Variants in PKP4 observed in about 807,000 individuals in gnomAD.
PKP4 encodes plakophilin 4.
PKP4 carries 90 observed loss-of-function variants against 145.1 expected under a neutral mutation model. That is an observed-to-expected ratio of 0.62 (90% CI 0.52 to 0.74). The LOEUF is 0.74. PKP4 is among the 30% of genes least tolerant of loss of function. PKP4 has a pLI of 0.00. For synonymous variants in PKP4, 563 were observed against 577.2 expected, an observed-to-expected ratio of 0.98 and a Z score of 0.35; for missense variants, 1,340 against 1,482.7, an observed-to-expected ratio of 0.90 and a Z score of 1.58.
At chr2:158,621,576 T>C (rs2052249353) in intron 6 of PKP4, among the ~76,000 whole-genome samples, 155 bp downstream of exon 6, 1 of 151,950 alleles carries the variant, frequency 6.6e-6, no homozygotes, top group African/African-American at 2.4e-5. Flanking sequence ...CGAAACCCCG[T>C]CTCTACTAAA....
chr2:158,466,542 CAA>C (rs1223399534), intron 1 of PKP4, among the ~76,000 whole-genome samples: 2 of 138,554 alleles, frequency 1.4e-5, no homozygotes, highest in Admixed American at 7.2e-5. Flanking sequence ...ACTAAAAATA[CAA>C]AAAAAAAAAA....
chr2:158,588,268 G>C (rs2048973229), intron 3 of PKP4: 1 of 152,060 alleles, frequency 6.6e-6, no homozygotes, highest in Admixed American at 6.6e-5. Context: ...CTCAACAGTT[G>C]CCACCCCCTT....
intron 1 of PKP4, among the ~76,000 whole-genome samples, chr2:158,509,020 A>G (rs2041260290): frequency 6.6e-6 from 1 of 152,218 alleles, no homozygotes; most frequent in African/African-American, 2.4e-5. Flanking sequence ...ATATCTACCT[A>G]TCAGTGAATT....
intron 11 of PKP4, among the ~76,000 whole-genome samples, chr2:158,656,921 C>T (rs992336379): frequency 1.3e-5 from 2 of 152,114 alleles, no homozygotes; most frequent in Non-Finnish European, 2.9e-5. Flanking sequence ...CTTCTTGGGC[C>T]GTGACAGCTG....
intron 1 of PKP4, among the ~76,000 whole-genome samples, chr2:158,498,814 G>GTTT (rs34272669): frequency 7.6e-6 from 1 of 131,172 alleles, no homozygotes. Flanking sequence ...GGTTGTGAGT[G>GTTT]TTTTTTTTTT....
In PKP4 at chr2:158,666,490, C is replaced by T; in HGVS notation, c.2655C>T (p.Asn885=). 5.0e-6 allele frequency: 8 copies of T among 1,613,478 alleles called. No individual in the cohort carries two copies. Among genetic ancestry groups the T allele is most frequent in the Non-Finnish European group, 5.9e-6 (7 of 1,179,686 alleles). ...TTGTGGAGCTTCTGAGAATGGATAACGATAGAGTTGTTTCTTCCGTGGCAA... is the reference window on the plus strand; with the variant it reads ...TTGTGGAGCTTCTGAGAATGGATAATGATAGAGTTGTTTCTTCCGTGGCAA... ...PILVELLRMD[N]DRVVSSVATA... The change falls in exon 16 of 22, where the codon AAC becomes AAT. Residue 885 remains asparagine, a synonymous_variant. Coordinates refer to ENST00000389759, the MANE Select transcript of PKP4 (RefSeq NM_003628.6).
chr2:158,632,862 T>C (rs1233331594), intron 8 of PKP4, among the ~76,000 whole-genome samples: 1 of 152,222 alleles, frequency 6.6e-6, no homozygotes, highest in Non-Finnish European at 1.5e-5. Context: ...TTTCCTTATG[T>C]CTGTAAATTG....
rs879512252 is a variant in PKP4, at chr2:158,517,057, T to C, written c.-5-16123T>C. ...TTTTTATTGCCTCTAGTAATTCACA[T>C]ATAAATTGCCATATTTCTAAATCCC... On this transcript the variant is annotated intron_variant, in intron 1 of 21. Transcript: ENST00000389759. Among the ~76,000 whole-genome samples, 5 of 152,250 alleles carry C rather than the reference T, an allele frequency of 3.3e-5. No homozygotes were observed. In the East Asian group the frequency reaches 9.6e-4, roughly 29 times the overall value.
chr2:158,669,821 G>A lies in PKP4; in HGVS notation c.2830G>A (p.Glu944Lys), dbSNP rs958917872. The change falls in exon 17 of 22, where the codon GAG (glutamate) becomes AAG (lysine). Residue 944 changes from glutamate to lysine, a missense_variant. Coordinates refer to ENST00000389759, the MANE Select transcript of PKP4 (RefSeq NM_003628.6). ...TMAAICCALH[E>K]VTSKNMENAK... ...GGCAGCCATCTGCTGTGCTCTGCAC[G>A]AGGTCACCAGCAAAAACATGGAGAA... 6 of 1,614,072 alleles carry A rather than the reference G, an allele frequency of 3.7e-6. No individual in the cohort carries two copies. The highest frequency in any genetic ancestry group is 1.7e-5 in the Admixed American group (1 of 60,030).
chr2:158,551,249 A>G (rs191705167), intron 2 of PKP4, among the ~76,000 whole-genome samples: 4 of 152,316 alleles, frequency 2.6e-5, no homozygotes, highest in Admixed American at 2.6e-4. Flanking sequence ...AAAGCTCTAG[A>G]CAGAAAACCC....
chr2:158,506,688 C>G (rs2105512420), intron 1 of PKP4, among the ~76,000 whole-genome samples: 1 of 152,246 alleles, frequency 6.6e-6, no homozygotes, highest in Middle Eastern at 3.4e-3. Flanking sequence ...ATACTTATGC[C>G]TACTTTTAAC....
At chr2:158,489,758 A>G (rs1694676528) in intron 1 of PKP4, among the ~76,000 whole-genome samples, 1 of 152,236 alleles carries the variant, frequency 6.6e-6, no homozygotes, top group Non-Finnish European at 1.5e-5. Flanking sequence ...TCATTTGCAA[A>G]TCAATTTAAG....
intron 12 of PKP4, chr2:158,659,688 G>A (rs1255728200): frequency 6.6e-6 from 1 of 152,328 alleles, no homozygotes; most frequent in African/African-American, 2.4e-5. Flanking sequence ...GAAGACAAGA[G>A]TCATAGGCCA....
Position 158,680,546 on chromosome 2 carries a change from T to G in PKP4, c.3448T>G (p.Phe1150Val). The change falls in exon 22 of 22, where the codon TTT becomes GTT. Residue 1150 changes from phenylalanine to valine, a missense_variant. Transcript: ENST00000389759. ...EDPYFDDRVH[F>V]PASTDYSTQY... is the part of the protein sequence containing the mutation. ...TCCTTATTTTGATGACCGAGTTCAC[T>G]TTCCAGCTTCTACTGATTACTCAAC... is the stretch of plus-strand genomic sequence containing the variant. 1 of 1,614,182 alleles carries G rather than the reference T, an allele frequency of 6.2e-7. No homozygotes were observed. The highest frequency in any genetic ancestry group is 2.2e-5 in the East Asian group (1 of 44,868).
intron 1 of PKP4, among the ~76,000 whole-genome samples, chr2:158,489,355 G>T (rs2105459005): frequency 6.6e-6 from 1 of 152,268 alleles, no homozygotes; most frequent in African/African-American, 2.4e-5. Flanking sequence ...TTTCAAGTTT[G>T]TGTCCCTGAC....
intron 1 of PKP4, among the ~76,000 whole-genome samples, chr2:158,495,355 AAAAAAAAAAACAAC>A (rs1377374693): frequency 6.8e-6 from 1 of 146,766 alleles, no homozygotes; most frequent in Non-Finnish European, 1.5e-5. Flanking sequence ...AGAGTTAAAA[AAAAAAAAAAACAAC>A]AAAGCCCAGA....
chr2:158,592,908 C>CTG (rs1034327559), intron 3 of PKP4, among the ~76,000 whole-genome samples: 8 of 152,164 alleles, frequency 5.3e-5, no homozygotes, highest in African/African-American at 1.9e-4. Flanking sequence ...GTGTCTCTTA[C>CTG]TGTAGACTGC....
At chr2:158,647,997 T>C (rs908659649) in intron 11 of PKP4, among the ~76,000 whole-genome samples, 10 of 152,216 alleles carry the variant, frequency 6.6e-5, no homozygotes, top group Admixed American at 1.3e-4. Flanking sequence ...CCTGAAAACA[T>C]CATTTTTTAA....
chr2:158,519,946 G>A (rs569792728), intron 1 of PKP4, among the ~76,000 whole-genome samples: 24 of 151,562 alleles, frequency 1.6e-4, no homozygotes, highest in African/African-American at 5.8e-4. Flanking sequence ...TCTCCTCCTA[G>A]CATCTATGGT....
Sources: gnomAD v4.1 joint callset for allele counts (sites outside exome capture counted in the v4.1 genomes callset) on GRCh38, gnomAD v4.1.1 for gene constraint, MANE v1.5 for transcripts, NCBI Gene and HGNC (gene_info 2026-07-23, HGNC 2026-07-21) for gene names.